Variants in FERMT2 observed in about 807,000 individuals in gnomAD.
FERMT2 encodes FERM domain containing kindlin 2, also known as fermitin family homolog 2.
FERMT2 carries 15 observed loss-of-function variants against 82.7 expected under a neutral mutation model. The ratio of observed to expected loss-of-function variants is 0.18; its 90% CI spans 0.12 to 0.28. The LOEUF (loss-of-function observed/expected upper bound fraction) is 0.28, where lower values mean the gene tolerates loss of function less well. FERMT2 is among the 10% of genes least tolerant of loss of function. The pLI, the probability that FERMT2 is intolerant of heterozygous loss-of-function variation, is 1.00. For missense variants in FERMT2, 645 were observed against 809.4 expected (o/e 0.80, Z 2.46); for synonymous variants, 274 against 271.5 (o/e 1.01, Z -0.09).
At chr14:52,904,231 A>T (rs1411541440) in intron 3 of FERMT2, among the ~76,000 whole-genome samples, 1 of 151,986 alleles carries the variant, frequency 6.6e-6, no homozygotes, top group Non-Finnish European at 1.5e-5. Context: ...AAATACAAAA[A>T]GTAAGCTGGG....
intron 2 of FERMT2, among the ~76,000 whole-genome samples, chr14:52,946,823 C>T (rs1890377883): frequency 6.6e-6 from 1 of 152,110 alleles, no homozygotes; most frequent in Non-Finnish European, 1.5e-5. Flanking sequence ...CAGGCACATG[C>T]CACCACATCC....
At chr14:52,950,375 G>T in intron 2 of FERMT2, 37 bp downstream of exon 2, 1 of 1,598,940 alleles carries the variant, frequency 6.3e-7, no homozygotes, top group Non-Finnish European at 8.5e-7. Context: ...CCAATTCTGG[G>T]AAGTCATTAG....
intron 3 of FERMT2, among the ~76,000 whole-genome samples, chr14:52,910,924 A>T (rs1052086675): frequency 2.6e-5 from 4 of 152,224 alleles, no homozygotes; most frequent in African/African-American, 9.6e-5. Flanking sequence ...CAAGAGAGTT[A>T]AATTAATTAA....
intron 2 of FERMT2, among the ~76,000 whole-genome samples, chr14:52,931,660 A>G (rs952758341): frequency 6.6e-6 from 1 of 152,192 alleles, no homozygotes; most frequent in African/African-American, 2.4e-5. Flanking sequence ...ATAGATGATA[A>G]TAGCACTAAG....
At chr14:52,936,698 A>AC (rs1889851807) in intron 2 of FERMT2, among the ~76,000 whole-genome samples, 1 of 151,724 alleles carries the variant, frequency 6.6e-6, no homozygotes, top group South Asian at 2.1e-4. Context: ...ATCTCCTCCC[A>AC]TTTTTTGCCT....
At chr14:52,881,508 T>C (rs778782801) in intron 4 of FERMT2, 39 bp from the exon 5 acceptor site, 3 of 1,343,616 alleles carry the variant, frequency 2.2e-6, no homozygotes, top group Admixed American at 2.0e-5. Context: ...AAGTATGCAG[T>C]ACAGCATCTT....
At chr14:52,859,469 G>A (rs1884767108) in intron 14 of FERMT2, 104 bp downstream of exon 14, 1 of 1,071,154 alleles carries the variant, frequency 9.3e-7, no homozygotes, top group East Asian at 2.8e-5. Context: ...ACTTTAAGAG[G>A]TGGTGGTACA....
intron 2 of FERMT2, among the ~76,000 whole-genome samples, chr14:52,935,154 C>G (rs1889778057): frequency 6.6e-6 from 1 of 152,070 alleles, no homozygotes; most frequent in Admixed American, 6.5e-5. Flanking sequence ...TTGCAACGTC[C>G]AAAGTGCTGT....
At chr14:52,945,444 G>A (rs974188357) in intron 2 of FERMT2, among the ~76,000 whole-genome samples, 1 of 151,754 alleles carries the variant, frequency 6.6e-6, no homozygotes, top group Non-Finnish European at 1.5e-5. Context: ...GTAGAGACGG[G>A]GATTTCACCA....
intron 9 of FERMT2, 108 bp from the exon 10 acceptor site, chr14:52,873,031 C>T (rs747548392): frequency 1.7e-5 from 18 of 1,073,422 alleles, no homozygotes; most frequent in Middle Eastern, 3.1e-4. Context: ...AAGTTTTACA[C>T]GTGCTGAAAT....
intron 4 of FERMT2, among the ~76,000 whole-genome samples, chr14:52,885,342 T>C (rs1001990295): frequency 1.5e-5 from 2 of 132,620 alleles, no homozygotes; most frequent in East Asian, 4.3e-4. Context: ...AAAAAAAATC[T>C]GTTACTAATG....
In FERMT2 at chr14:52,950,544, G is replaced by A. The variant is rs375271458; in HGVS notation, c.25C>T (p.Pro9Ser). The change falls in exon 2 of 15, where the codon CCA (proline) becomes TCA (serine). Residue 9 changes from proline to serine, a missense_variant. By Grantham distance (74) the Pro-to-Ser change is moderately conservative. Coordinates refer to ENST00000341590, the MANE Select transcript of FERMT2 (RefSeq NM_006832.3). Reference protein sequence around the residue: MALDGIRMPDGCYADGTWE... With the variant: MALDGIRMSDGCYADGTWE... The stretch of plus-strand genomic sequence containing the variant: ...GTCCCGTCCGCGTAGCAGCCATCTG[G>A]CATCCTTATCCCGTCCAGAGCCATG... 69 of 1,614,020 alleles carry A rather than the reference G, an allele frequency of 4.3e-5. No individual in the cohort carries two copies. In the African/African-American group the frequency reaches 6.5e-4, roughly 15 times the overall value.
chr14:52,892,996 GGA>G (rs1887038589), intron 4 of FERMT2, among the ~76,000 whole-genome samples: 1 of 152,174 alleles, frequency 6.6e-6, no homozygotes, highest in African/African-American at 2.4e-5. Flanking sequence ...AAATGCTGAA[GGA>G]GAGTTTATGT....
At chr14:52,901,454 T>C (rs780081185) in intron 3 of FERMT2, among the ~76,000 whole-genome samples, 8 of 152,136 alleles carry the variant, frequency 5.3e-5, no homozygotes, top group Non-Finnish European at 8.8e-5. Flanking sequence ...TGCAAATGAA[T>C]TAAGATCACT....
At chr14:52,892,734 G>A (rs149067485) in intron 4 of FERMT2, among the ~76,000 whole-genome samples, 87 of 152,316 alleles carry the variant, frequency 5.7e-4, no homozygotes, top group Admixed American at 2.4e-3. Context: ...GGGATTACAG[G>A]CGTGAGCCAC....
At chr14:52,880,683 C>G (rs894730237) in intron 6 of FERMT2, among the ~76,000 whole-genome samples, 1 of 152,080 alleles carries the variant, frequency 6.6e-6, no homozygotes, top group Non-Finnish European at 1.5e-5. Context: ...AGGCGTTGAG[C>G]CACTGCACCC....
chr14:52,860,029 G>T, intron 13 of FERMT2: 1 of 282,094 alleles, frequency 3.5e-6, no homozygotes. Flanking sequence ...GTGTTAGCCA[G>T]GATGGTCTCT....
At chr14:52,889,902 G>A (rs549863351) in intron 4 of FERMT2, among the ~76,000 whole-genome samples, 1 of 152,300 alleles carries the variant, frequency 6.6e-6, no homozygotes, top group African/African-American at 2.4e-5. Context: ...GCCAAGGTGG[G>A]TGGATCACTT....
At chr14:52,943,812 AC>A (rs1890202522) in intron 2 of FERMT2, among the ~76,000 whole-genome samples, 1 of 152,242 alleles carries the variant, frequency 6.6e-6, no homozygotes, top group African/African-American at 2.4e-5. Flanking sequence ...GATGTTTGAA[AC>A]TTTTAAAAAT....
Sources: gnomAD v4.1 joint callset for allele counts (sites outside exome capture counted in the v4.1 genomes callset) on GRCh38, gnomAD v4.1.1 for gene constraint, MANE v1.5 for transcripts, NCBI Gene and HGNC (gene_info 2026-07-23, HGNC 2026-07-21) for gene names.